The following CLSTN2 variants were observed in gnomAD, a reference collection of about 807,000 sequenced individuals.
CLSTN2 encodes calsyntenin-2.
Under a neutral mutation model 101.2 loss-of-function variants are expected in CLSTN2, and 48 were observed. That is an observed-to-expected ratio of 0.47 (90% CI 0.38 to 0.60). CLSTN2 has a LOEUF of 0.60. Ranked by LOEUF, CLSTN2 falls within the 20% of genes least tolerant of loss-of-function variation. The pLI is 0.00. For missense variants in CLSTN2, 1,160 were observed against 1,238.2 expected (o/e 0.94, Z 0.95); for synonymous variants, 481 against 463.6 (o/e 1.04, Z -0.48).
chr3:140,029,690 G>A (rs368864337), intron 1 of CLSTN2, among the ~76,000 whole-genome samples: 8 of 152,264 alleles, frequency 5.3e-5, no homozygotes, highest in Admixed American at 2.6e-4. Flanking sequence ...TGCTTATACA[G>A]CAGGTGTCTA....
chr3:140,471,817 G>A (rs1201446191), intron 8 of CLSTN2, among the ~76,000 whole-genome samples: 2 of 152,196 alleles, frequency 1.3e-5, no homozygotes, highest in Non-Finnish European at 2.9e-5. Flanking sequence ...CAGTTGCTCA[G>A]AAGTTAGAAA....
At position 140,323,116 on chromosome 3, in the gene CLSTN2, A is replaced by C. The variant is rs115914801; in HGVS notation, c.233-80513A>C. ...ATTGAATGGTGGGGACTAAAGAAAG[A>C]AAGCCAGGAAACGGAGGGGTTCTGT... On this transcript the variant is annotated intron_variant, in intron 2 of 16. Coordinates refer to ENST00000458420, the MANE Select transcript of CLSTN2 (RefSeq NM_022131.3). Among the ~76,000 whole-genome samples, 1,452 of 152,334 alleles carry C rather than the reference A, an allele frequency of 9.5e-3. 18 individuals are homozygous for C. The highest frequency in any genetic ancestry group is 0.016 in the Non-Finnish European group (1,075 of 68,026).
chr3:139,986,559 T>G (rs1936024117), intron 1 of CLSTN2, among the ~76,000 whole-genome samples: 1 of 152,200 alleles, frequency 6.6e-6, no homozygotes. Context: ...TTCTATCATG[T>G]CTAGTAGTAG....
At chr3:139,939,899 T>C (rs747710792) in intron 1 of CLSTN2, among the ~76,000 whole-genome samples, 5 of 152,234 alleles carry the variant, frequency 3.3e-5, no homozygotes, top group African/African-American at 7.2e-5. Context: ...GAAACGCCTG[T>C]GGTTCTTGGA....
intron 1 of CLSTN2, among the ~76,000 whole-genome samples, chr3:140,115,113 T>C (rs1336674458): frequency 1.3e-5 from 2 of 152,212 alleles, no homozygotes; most frequent in East Asian, 1.9e-4. Flanking sequence ...GCCCAGTTTA[T>C]AGTTGAGGAA....
At chr3:139,977,758 A>C (rs1265807853) in intron 1 of CLSTN2, among the ~76,000 whole-genome samples, 2 of 152,202 alleles carry the variant, frequency 1.3e-5, no homozygotes, top group Non-Finnish European at 2.9e-5. Flanking sequence ...GGCATTGCAG[A>C]AGAGCCACTG....
chr3:140,494,521 A>G (rs1021406308), intron 8 of CLSTN2, among the ~76,000 whole-genome samples: 5 of 152,164 alleles, frequency 3.3e-5, no homozygotes, highest in Non-Finnish European at 4.4e-5. Flanking sequence ...ACATAGGTAA[A>G]TGTGTGCCAT....
intron 1 of CLSTN2, among the ~76,000 whole-genome samples, chr3:140,079,394 C>T (rs1380008946): frequency 1.3e-5 from 2 of 152,052 alleles, no homozygotes; most frequent in African/African-American, 4.8e-5. Context: ...TAAAAGATGA[C>T]AATCTCTAGA....
intron 1 of CLSTN2, among the ~76,000 whole-genome samples, chr3:139,991,338 G>T (rs188745692): frequency 6.6e-6 from 1 of 152,318 alleles, no homozygotes; most frequent in African/African-American, 2.4e-5. Flanking sequence ...GATATAAAAT[G>T]CTTATTTATG....
chr3:140,530,124 C>T (rs1046377736), intron 8 of CLSTN2, among the ~76,000 whole-genome samples: 1 of 152,100 alleles, frequency 6.6e-6, no homozygotes, highest in Non-Finnish European at 1.5e-5. Context: ...AATATTTATA[C>T]ACAAGAAATT....
chr3:139,958,119 G>T (rs1323339104), intron 1 of CLSTN2, among the ~76,000 whole-genome samples: 1 of 152,156 alleles, frequency 6.6e-6, no homozygotes, highest in Non-Finnish European at 1.5e-5. Context: ...GGAGAAACTA[G>T]GGGCCAACTC....
At chr3:140,292,709 C>T (rs1158174871) in intron 2 of CLSTN2, among the ~76,000 whole-genome samples, 1 of 152,184 alleles carries the variant, frequency 6.6e-6, no homozygotes, top group Non-Finnish European at 1.5e-5. Flanking sequence ...CTCTCTCAGG[C>T]TCAATTTTAT....
At position 139,961,122 on chromosome 3, in the gene CLSTN2, T is replaced by A. The variant is rs138930751; in HGVS notation, c.109+25639T>A. On this transcript the variant is annotated intron_variant, in intron 1 of 16. Coordinates refer to ENST00000458420, the MANE Select transcript of CLSTN2 (RefSeq NM_022131.3). ...TGACTCCAGAGTACCAGTACTTTTG[T>A]CTATTGTTCACATAGGGAAGTCAGG... Among the ~76,000 whole-genome samples, 361 of 152,252 alleles carry A rather than the reference T, an allele frequency of 2.4e-3. 2 individuals carry two copies. Among genetic ancestry groups the A allele is most frequent in the African/African-American group, 8.1e-3 (335 of 41,538 alleles).
At chr3:140,270,168 CTA>C (rs1469175573) in intron 2 of CLSTN2, among the ~76,000 whole-genome samples, 1 of 152,174 alleles carries the variant, frequency 6.6e-6, no homozygotes, top group Non-Finnish European at 1.5e-5. Context: ...GGAGTACTAA[CTA>C]TGTGTCCACT....
intron 2 of CLSTN2, among the ~76,000 whole-genome samples, chr3:140,283,088 T>C (rs1161615415): frequency 1.3e-5 from 2 of 152,172 alleles, no homozygotes; most frequent in Non-Finnish European, 2.9e-5. Context: ...TATTTTCCAA[T>C]TGTAAGCAGA....
intron 2 of CLSTN2, among the ~76,000 whole-genome samples, chr3:140,206,817 G>C (rs972174472): frequency 6.6e-6 from 1 of 152,164 alleles, no homozygotes; most frequent in South Asian, 2.1e-4. Context: ...GAGTGTGCTT[G>C]AAGTGCTGTC....
intron 2 of CLSTN2, among the ~76,000 whole-genome samples, chr3:140,236,863 GTA>G (rs1553724586): frequency 0.52 from 62,284 of 118,904 alleles, 13,998 homozygotes; most frequent in Non-Finnish European, 0.57. Flanking sequence ...GTGTGTGTGT[GTA>G]TATAAATTTC....
chr3:140,528,871 A>ACAG (rs951403156), intron 8 of CLSTN2, among the ~76,000 whole-genome samples: 10 of 152,244 alleles, frequency 6.6e-5, no homozygotes, highest in Non-Finnish European at 2.9e-5. Flanking sequence ...TGTACTTGAT[A>ACAG]CAGCCCCTCC....
chr3:140,050,034 G>A (rs2007960627), intron 1 of CLSTN2, among the ~76,000 whole-genome samples: 1 of 152,196 alleles, frequency 6.6e-6, no homozygotes, highest in Non-Finnish European at 1.5e-5. Flanking sequence ...TTTCTTCATT[G>A]ATAAAATCTG....
Sources: allele counts gnomAD v4.1 joint callset (sites outside exome capture counted in the v4.1 genomes callset), GRCh38; gene constraint gnomAD v4.1.1; transcripts MANE v1.5; gene names NCBI Gene and HGNC (gene_info 2026-07-23, HGNC 2026-07-21).